Variants in JMJD1C observed in about 807,000 individuals in gnomAD.
JMJD1C encodes jumonji domain-containing protein 1C.
Under a neutral mutation model 245.3 loss-of-function variants are expected in JMJD1C, and 31 were observed. That is an observed-to-expected ratio of 0.13 (90% confidence interval 0.09 to 0.17). The LOEUF (loss-of-function observed/expected upper bound fraction) is 0.17, where lower values mean the gene tolerates loss of function less well. Among genes scored for constraint, JMJD1C ranks in the 10% least tolerant of loss-of-function variants. JMJD1C has a pLI of 1.00. For synonymous variants in JMJD1C, 1,057 were observed against 1,017.4 expected, an observed-to-expected ratio of 1.04 and a Z score of -0.74; for missense variants, 2,691 against 3,000.2, an observed-to-expected ratio of 0.90 and a Z score of 2.41.
chr10:63,172,058 C>T (rs1342162867), intron 24 of JMJD1C, among the ~76,000 whole-genome samples: 1 of 152,146 alleles, frequency 6.6e-6, no homozygotes, highest in African/African-American at 2.4e-5. Flanking sequence ...GTAGCAATTC[C>T]CTTTTGTACA....
chr10:63,219,960 T>G lies in JMJD1C; in HGVS notation c.471A>C (p.Pro157=), dbSNP rs372953452. 3 of 1,613,554 alleles carry G rather than the reference T, an allele frequency of 1.9e-6. No homozygotes were observed. The highest frequency in any genetic ancestry group is 2.7e-5 in the African/African-American group (2 of 74,920). ...GAAGCTGCGGGTTGTCCCTGAGAAC[T>G]GGGTTTAGGCTGTCTATGTCGTCCT... The part of the protein sequence containing the change: ...PYQDDIDSLN[P]VLRDNPQLHE... Residue 157 remains proline (P), a synonymous_variant, in exon 4 of 26, where the codon CCA becomes CCC. Coordinates refer to ENST00000399262, the MANE Select transcript of JMJD1C (RefSeq NM_032776.3).
intron 1 of JMJD1C, among the ~76,000 whole-genome samples, chr10:63,444,811 C>T (rs1456026189): frequency 6.6e-6 from 1 of 152,082 alleles, no homozygotes; most frequent in Non-Finnish European, 1.5e-5. Context: ...TGAATACCTA[C>T]TATCTACTAA....
rs1187328426 is a variant in JMJD1C, at chr10:63,208,391, T to A, written c.3278A>T (p.Tyr1093Phe). The A allele has an allele frequency of 3.7e-6, 6 of 1,614,048 alleles. No homozygotes were observed. The East Asian group carries it at 1.3e-4, about 36-fold the overall frequency. Reference sequence around the variant, plus strand: ...CACACTATTAGACAATGTAGTGAAATAGTTACTTTGGGGTAAACTCTGAGG... The same window carrying A: ...CACACTATTAGACAATGTAGTGAAAAAGTTACTTTGGGGTAAACTCTGAGG... The part of the protein sequence containing the change: ...SVPQSLPQSN[Y>F]FTTLSNSVVN... The change falls in exon 10 of 26, where the codon TAT becomes TTT. Residue 1093 changes from tyrosine to phenylalanine, a missense_variant. Around this residue, in one of 9 missense-constraint regions of JMJD1C, gnomAD observed 1,562 missense variants for 1,490.7 expected, o/e 1.05. Transcript: ENST00000399262.
At chr10:63,315,972 A>G (rs1377007119) in intron 2 of JMJD1C, among the ~76,000 whole-genome samples, 1 of 152,034 alleles carries the variant, frequency 6.6e-6, no homozygotes, top group Non-Finnish European at 1.5e-5. Flanking sequence ...AGTTCAAAAT[A>G]AGCCCTGGCA....
intron 3 of JMJD1C, among the ~76,000 whole-genome samples, chr10:63,233,115 A>C (rs1423213238): frequency 6.6e-6 from 1 of 152,180 alleles, no homozygotes; most frequent in East Asian, 1.9e-4. Flanking sequence ...CTTTCACAAA[A>C]ATTATCAATA....
chr10:63,517,059 C>T (rs939434749), intron 1 of JMJD1C, among the ~76,000 whole-genome samples: 2 of 152,162 alleles, frequency 1.3e-5, no homozygotes, highest in Non-Finnish European at 2.9e-5. Context: ...GAAAGACAGA[C>T]TCATTTAGTA....
intron 1 of JMJD1C, among the ~76,000 whole-genome samples, chr10:63,509,426 T>C (rs1395250493): frequency 6.6e-6 from 1 of 152,224 alleles, no homozygotes; most frequent in Non-Finnish European, 1.5e-5. Context: ...AATGGCAGAA[T>C]GAATTAAGAT....
chr10:63,521,104 C>G (rs1955206576), intron 1 of JMJD1C, among the ~76,000 whole-genome samples: 1 of 55,912 alleles, frequency 1.8e-5, no homozygotes, highest in African/African-American at 7.9e-5. Context: ...GCCTCCTGCC[C>G]CACTCTCGCC....
At chr10:63,489,828 A>G (rs1954110526) in intron 1 of JMJD1C, among the ~76,000 whole-genome samples, 2 of 152,078 alleles carry the variant, frequency 1.3e-5, no homozygotes, top group Admixed American at 6.5e-5. Flanking sequence ...TCCAGGTTCT[A>G]TACCAGGGGT....
chr10:63,254,859 CT>C (rs141992090), intron 3 of JMJD1C, among the ~76,000 whole-genome samples: 5,929 of 146,362 alleles, frequency 0.041, 135 homozygotes, highest in African/African-American at 0.051. Flanking sequence ...AGCTCCCCCC[CT>C]TTTTTTTTTA....
At chr10:63,417,813 G>C (rs1317316524) in intron 1 of JMJD1C, among the ~76,000 whole-genome samples, 1 of 152,078 alleles carries the variant, frequency 6.6e-6, no homozygotes, top group Admixed American at 6.5e-5. Flanking sequence ...ACTCCCTTAA[G>C]GAACACTGCA....
At chr10:63,389,638 A>G (rs768164385) in intron 1 of JMJD1C, among the ~76,000 whole-genome samples, 7 of 152,060 alleles carry the variant, frequency 4.6e-5, no homozygotes, top group Admixed American at 1.3e-4. Flanking sequence ...CAGATAGACC[A>G]TATTTTTGGA....
chr10:63,167,591 TGCGATTCAG>T lies in JMJD1C; in HGVS notation c.*445_*453del, dbSNP rs938499775. On this transcript the variant is annotated 3_prime_UTR_variant, in exon 26 of 26. Coordinates refer to ENST00000399262, the MANE Select transcript of JMJD1C (RefSeq NM_032776.3). ...TTTTCTGATTATGACATGACTGCTG[TGCGATTCAG>T]CAATTTCCCAGATGCAGGCAATAGC... 1 of 153,488 alleles carries T rather than the reference TGCGATTCAG, an allele frequency of 6.5e-6. No individual in the cohort carries two copies. The highest frequency in any genetic ancestry group is 2.4e-5 in the African/African-American group (1 of 41,480). The allele number at this position is 153,488 out of a possible 1,614,324, so 9.5% of individuals were successfully genotyped here.
chr10:63,245,165 T>C (rs1399782039), intron 3 of JMJD1C, among the ~76,000 whole-genome samples: 1 of 139,598 alleles, frequency 7.2e-6, no homozygotes, highest in Non-Finnish European at 1.6e-5. Context: ...AAAGAGAGAT[T>C]AAAAAAAATT....
rs898058817 is a variant in JMJD1C at position 63,225,989 on chromosome 10, C to CG, written c.448-6007_448-6006insC. Reference sequence around the variant, plus strand: ...GGGCTCAGGTTCTTCTCCCCCACCCCCCCCTTCCCTCCACATACACTCTCT... The same window carrying CG: ...GGGCTCAGGTTCTTCTCCCCCACCCCGCCCCTTCCCTCCACATACACTCTCT... On this transcript the variant is annotated intron_variant, in intron 3 of 25. Coordinates refer to ENST00000399262, the MANE Select transcript of JMJD1C (RefSeq NM_032776.3). 1.2e-3 allele frequency among the ~76,000 whole-genome samples: 178 copies of CG among 149,960 alleles called. 2 individuals carry two copies. Among genetic ancestry groups the CG allele is most frequent in the African/African-American group, 4.2e-3 (168 of 39,572 alleles).
intron 1 of JMJD1C, among the ~76,000 whole-genome samples, chr10:63,508,278 G>A (rs180743170): frequency 1.3e-5 from 2 of 152,146 alleles, no homozygotes; most frequent in Non-Finnish European, 2.9e-5. Context: ...CTTTGCCAAC[G>A]ATCATTTGAC....
At chr10:63,304,200 A>G (rs945549922) in intron 2 of JMJD1C, among the ~76,000 whole-genome samples, 6 of 152,248 alleles carry the variant, frequency 3.9e-5, no homozygotes, top group Non-Finnish European at 5.9e-5. Context: ...CTCAAACTTC[A>G]AACTTTTGAA....
intron 2 of JMJD1C, chr10:63,269,172 G>A: frequency 3.0e-6 from 3 of 985,406 alleles, no homozygotes; most frequent in Non-Finnish European, 3.6e-6. Context: ...CTGTCTGCGT[G>A]GAAACACAGT....
At chr10:63,280,329 C>A (rs755405098) in intron 2 of JMJD1C, among the ~76,000 whole-genome samples, 1 of 152,028 alleles carries the variant, frequency 6.6e-6, no homozygotes, top group Non-Finnish European at 1.5e-5. Context: ...GTGGACGGAT[C>A]ACAAGGTCAA....
Sources: allele counts gnomAD v4.1 joint callset (sites outside exome capture counted in the v4.1 genomes callset), GRCh38; gene constraint gnomAD v4.1.1; regional missense constraint gnomAD v4.1.1; transcripts MANE v1.5; gene names NCBI Gene and HGNC (gene_info 2026-07-23, HGNC 2026-07-21).